PDE1C: variants seen among roughly 807,000 people sequenced by gnomAD.
PDE1C encodes the protein phosphodiesterase 1C, also known as dual specificity calcium/calmodulin-dependent 3',5'-cyclic nucleotide phosphodiesterase 1C.
A neutral mutation model predicts 93.1 loss-of-function variants in PDE1C; 62 were observed. The ratio of observed to expected loss-of-function variants is 0.67; its 90% CI spans 0.54 to 0.82. The LOEUF (loss-of-function observed/expected upper bound fraction) is 0.82. PDE1C is among the 40% of genes least tolerant of loss of function. PDE1C has a pLI of 0.00. For missense variants in PDE1C, 742 were observed against 884.6 expected (o/e 0.84, Z 2.04); for synonymous variants, 325 against 310.1 (o/e 1.05, Z -0.50).
the PDE1C span, among the ~76,000 whole-genome samples, chr7:31,741,390 A>T: frequency 1.3e-5 from 2 of 152,080 alleles, no homozygotes; most frequent in Non-Finnish European, 2.9e-5. Context: ...TTAATCTTTA[A>T]CTGTTCCTAT....
At position 32,159,874 on chromosome 7, in the gene PDE1C, G is replaced by C. The variant is rs187868357; in HGVS notation, c.308+9911C>G. ...TTTAGCTTTGCCAGGTTGTCTGTAG[G>C]CTCTTTGTGGTTTGGACAGGCCCCA... On this transcript the variant is annotated intron_variant, in intron 3 of 18. Coordinates refer to the PDE1C transcript ENST00000396193. 2.3e-4 allele frequency among the ~76,000 whole-genome samples: 35 copies of C among 152,258 alleles called. 1 individual carries two copies. The highest frequency in any genetic ancestry group is 7.2e-4 in the African/African-American group (30 of 41,560).
chr7:31,620,506 G>A, the PDE1C span, among the ~76,000 whole-genome samples: 1 of 151,124 alleles, frequency 6.6e-6, no homozygotes, highest in Non-Finnish European at 1.5e-5. Context: ...ACAGGGTCTG[G>A]AGTGGACCTC....
At chr7:31,822,284 T>C (rs1195680424) in intron 14 of PDE1C, among the ~76,000 whole-genome samples, 3 of 151,996 alleles carry the variant, frequency 2.0e-5, no homozygotes, top group Admixed American at 6.6e-5. Flanking sequence ...AGAGCCACCA[T>C]GTCTTTGTCC....
At chr7:32,413,635 G>A (rs1030012813) in intron 1 of PDE1C, among the ~76,000 whole-genome samples, 7 of 152,164 alleles carry the variant, frequency 4.6e-5, no homozygotes, top group African/African-American at 1.7e-4. Context: ...TGAAAAAAAT[G>A]CTATGGATGG....
rs1479418049 is a variant in PDE1C at position 31,873,423 on chromosome 7, G to A, written c.493-15C>T. The A allele has an allele frequency of 1.9e-6, 3 of 1,545,810 alleles. No individual in the cohort carries two copies. The highest frequency in any genetic ancestry group is 4.5e-5 in the East Asian group (2 of 44,488). ...TTGTCCACATCCTGCAGGACAGGGT[G>A]GGGAGAAAGAACACATTAGCCCACA... On this transcript the variant is annotated splice_polypyrimidine_tract_variant and intron_variant, in intron 5 of 17. Transcript: ENST00000396191.
intron 1 of PDE1C, among the ~76,000 whole-genome samples, chr7:32,356,619 C>T (rs910094782): frequency 1.3e-5 from 2 of 152,236 alleles, no homozygotes; most frequent in Non-Finnish European, 2.9e-5. Context: ...GTACCATGGA[C>T]AGTCTGTCAA....
At chr7:31,672,788 T>C in the PDE1C span, among the ~76,000 whole-genome samples, 2 of 152,146 alleles carry the variant, frequency 1.3e-5, no homozygotes, top group Non-Finnish European at 2.9e-5. Flanking sequence ...GAGGGTGATA[T>C]GGTTTGGCTC....
At chr7:31,684,230 A>G in the PDE1C span, among the ~76,000 whole-genome samples, 1 of 152,222 alleles carries the variant, frequency 6.6e-6, no homozygotes, top group Non-Finnish European at 1.5e-5. Flanking sequence ...AGACATGTCT[A>G]TTCAAAGGGG....
At chr7:31,775,824 G>T in intron 16 of PDE1C, 92 bp from the exon 17 acceptor site, 2 of 1,096,826 alleles carry the variant, frequency 1.8e-6, no homozygotes, top group Non-Finnish European at 2.7e-6. Context: ...ATCAAGTTGG[G>T]GTCTGAAAAC....
chr7:31,887,547 A>G (rs73690320), intron 2 of PDE1C, among the ~76,000 whole-genome samples: 1,849 of 152,276 alleles, frequency 0.012, 36 homozygotes, highest in African/African-American at 0.042. Context: ...TGTTAACTAA[A>G]AAAAAATTAG....
intron 2 of PDE1C, among the ~76,000 whole-genome samples, chr7:32,017,944 G>T (rs1788130492): frequency 6.6e-6 from 1 of 151,868 alleles, no homozygotes; most frequent in Non-Finnish European, 1.5e-5. Flanking sequence ...GCTGGGTATG[G>T]TGGTGCATGC....
At chr7:32,191,895 G>A (rs1028816555) in intron 2 of PDE1C, among the ~76,000 whole-genome samples, 29 of 151,978 alleles carry the variant, frequency 1.9e-4, no homozygotes, top group South Asian at 2.1e-4. Flanking sequence ...TTAGCTGTTC[G>A]GGTAGGTGTG....
chr7:31,637,214 T>C, the PDE1C span, among the ~76,000 whole-genome samples: 1 of 152,144 alleles, frequency 6.6e-6, no homozygotes, highest in Non-Finnish European at 1.5e-5. Context: ...CATGTGTCTT[T>C]ATAGCAGCAT....
chr7:31,702,841 A>G, the PDE1C span, among the ~76,000 whole-genome samples: 1 of 152,214 alleles, frequency 6.6e-6, no homozygotes, highest in African/African-American at 2.4e-5. Flanking sequence ...GCAATACCTG[A>G]TGGAGACTGA....
the PDE1C span, among the ~76,000 whole-genome samples, chr7:31,645,620 C>T: frequency 6.6e-6 from 1 of 152,164 alleles, no homozygotes; most frequent in South Asian, 2.1e-4. Context: ...CCACCACCAT[C>T]ATCATTATTT....
chr7:31,644,701 C>G, the PDE1C span, among the ~76,000 whole-genome samples: 1 of 152,282 alleles, frequency 6.6e-6, no homozygotes, highest in African/African-American at 2.4e-5. Flanking sequence ...CCAGTACCTC[C>G]TTTTTAGTAA....
rs557026810 is a variant in PDE1C, at chr7:32,222,026, T to C, written c.86-12487A>G. ...TCACTTGAGGTGCTCCTATCTGAGATAGGAAATCAACCTTACAGCCACAAC... is the reference window on the plus strand; with the variant it reads ...TCACTTGAGGTGCTCCTATCTGAGACAGGAAATCAACCTTACAGCCACAAC... On this transcript the variant is annotated intron_variant, in intron 1 of 18. Transcript: ENST00000396193. Among the ~76,000 whole-genome samples, 5 of 152,064 alleles carry C rather than the reference T, an allele frequency of 3.3e-5. No individual in the cohort carries two copies. The South Asian group carries it at 1.0e-3, about 32-fold the overall frequency.
At chr7:32,087,188 A>G (rs557388802) in intron 3 of PDE1C, among the ~76,000 whole-genome samples, 12,744 of 148,204 alleles carry the variant, frequency 0.086, 679 homozygotes, top group African/African-American at 0.14. Flanking sequence ...AAAGTGGGCG[A>G]AGGATATGAA....
chr7:31,994,646 C>T (rs1364784481), intron 2 of PDE1C, among the ~76,000 whole-genome samples: 2 of 152,110 alleles, frequency 1.3e-5, no homozygotes, highest in African/African-American at 4.8e-5. Context: ...TAATTACTTT[C>T]CACTCTCCCT....
Sources: allele counts gnomAD v4.1 joint callset (sites outside exome capture counted in the v4.1 genomes callset), GRCh38; gene constraint gnomAD v4.1.1; transcripts MANE v1.5; gene names NCBI Gene and HGNC (gene_info 2026-07-23, HGNC 2026-07-21).